GRIK3: variants seen among roughly 807,000 people sequenced by gnomAD.
The protein encoded by GRIK3 is glutamate ionotropic receptor kainate type subunit 3.
A neutral mutation model predicts 102.5 loss-of-function variants in GRIK3; 29 were observed. That is an observed-to-expected ratio of 0.28 (90% confidence interval 0.21 to 0.39). The LOEUF (loss-of-function observed/expected upper bound fraction) is 0.39. Ranked by LOEUF, GRIK3 falls within the 10% of genes least tolerant of loss-of-function variation. The probability of loss-of-function intolerance (pLI) is 1.00; values close to 1 mark genes in which losing one functional copy is unlikely to be tolerated. For missense variants in GRIK3, 908 were observed against 1,252.4 expected (o/e 0.73, Z 4.15); for synonymous variants, 511 against 504.9 (o/e 1.01, Z -0.16).
rs145061407 is a variant in GRIK3 at position 36,914,901 on chromosome 1, G to A, written c.116-23805C>T. Reference sequence around the variant, plus strand: ...TCACCTGGGCAGGGCACAACAGGAGGGAAGGCTGGGGAACCAATTCATCAG... The same window carrying A: ...TCACCTGGGCAGGGCACAACAGGAGAGAAGGCTGGGGAACCAATTCATCAG... On this transcript the variant is annotated intron_variant, in intron 1 of 15. Coordinates refer to ENST00000373091, the MANE Select transcript of GRIK3 (RefSeq NM_000831.4). Among the ~76,000 whole-genome samples, 964 of 152,304 alleles carry A rather than the reference G, an allele frequency of 6.3e-3. 14 individuals carry two copies. The highest frequency in any genetic ancestry group is 0.022 in the African/African-American group (911 of 41,558).
intron 13 of GRIK3, among the ~76,000 whole-genome samples, chr1:36,812,593 T>C (rs1219897747): frequency 1.3e-5 from 2 of 152,084 alleles, no homozygotes; most frequent in African/African-American, 4.8e-5. Context: ...GAGACGCTGT[T>C]TGTGATGTCT....
intron 13 of GRIK3, 81 bp downstream of exon 13, chr1:36,816,979 G>A: frequency 2.1e-6 from 2 of 947,420 alleles, no homozygotes; most frequent in Non-Finnish European, 1.7e-6. Flanking sequence ...GAAGGACAGA[G>A]ACCCCCTTTC....
chr1:36,836,710 T>C (rs1399680978), intron 10 of GRIK3, among the ~76,000 whole-genome samples: 1 of 152,216 alleles, frequency 6.6e-6, no homozygotes, highest in Non-Finnish European at 1.5e-5. Context: ...CCATCCATAC[T>C]GCAGTGAGAT....
chr1:36,850,349 A>G lies in GRIK3; in HGVS notation c.1288T>C (p.Ser430Pro). 1 of 1,613,290 alleles carries G rather than the reference A, an allele frequency of 6.2e-7. No individual in the cohort carries two copies. Among genetic ancestry groups the G allele is most frequent in the Non-Finnish European group, 8.5e-7 (1 of 1,179,216 alleles). The change falls in exon 9 of 16, where the codon TCT becomes CCT. Residue 430 changes from serine to proline, a missense_variant. Physicochemically the swap from Ser to Pro is moderately conservative, Grantham distance 74 (BLOSUM62 -1). This residue lies in a region of GRIK3 where 585 missense variants were observed against 824.9 expected (regional missense o/e 0.71). Coordinates refer to ENST00000373091, the MANE Select transcript of GRIK3 (RefSeq NM_000831.4). This position sits in a 1 kb window ranked among gnomAD's most constrained non-coding sequence, Gnocchi z 4.0. ...ACAATGAGTGATCTGTTTGTCAGAG[A>G]GTCGGTGACATTAGGGCCTCGGCCT... ...AKGRGPNVTD[S>P]LTNRSLIVTT...
Position 36,850,538 on chromosome 1 carries a change from C to T in GRIK3, c.1213-114G>A, listed in dbSNP as rs367675648. Reference sequence around the variant, plus strand: ...TCATCATGAGCCTCATTGTCATGATCATCATCATCATCACCACTGCCATTG... The same window carrying T: ...TCATCATGAGCCTCATTGTCATGATTATCATCATCATCACCACTGCCATTG... On this transcript the variant is annotated intron_variant, in intron 8 of 15. Transcript: ENST00000373091. This position sits in a 1 kb window ranked among gnomAD's most constrained non-coding sequence, Gnocchi z 4.0. The T allele has an allele frequency of 7.7e-6, 5 of 646,520 alleles. No individual in the cohort carries two copies. Among genetic ancestry groups the T allele is most frequent in the Non-Finnish European group, 1.4e-5 (5 of 353,356 alleles). The allele number at this position is 646,520 out of a possible 1,614,324, so 40.0% of individuals were successfully genotyped here.
At chr1:37,011,475 T>C (rs1398989392) in intron 1 of GRIK3, among the ~76,000 whole-genome samples, 5 of 152,188 alleles carry the variant, frequency 3.3e-5, no homozygotes, top group Non-Finnish European at 5.9e-5. Flanking sequence ...AATGCTTTTC[T>C]AGTCATTTTA....
intron 1 of GRIK3, among the ~76,000 whole-genome samples, chr1:36,981,780 T>C (rs1642251551): frequency 6.6e-6 from 1 of 152,126 alleles, no homozygotes; most frequent in Admixed American, 6.5e-5. Context: ...CTGTTAATGT[T>C]TTTGAGCACC....
intron 1 of GRIK3, among the ~76,000 whole-genome samples, chr1:36,898,034 C>A (rs1641192485): frequency 6.6e-6 from 1 of 151,572 alleles, no homozygotes. Context: ...TGAAATAAGC[C>A]AGGCACAGAA....
In GRIK3 at chr1:36,872,253, G is replaced by A. The variant is rs971243250; in HGVS notation, c.667C>T (p.Arg223Ter). The A allele has an allele frequency of 6.2e-7, 1 of 1,612,502 alleles. No individual in the cohort carries two copies. The change falls in exon 4 of 16, where the codon CGA (arginine) becomes TGA (stop). Residue 223 changes from arginine (R) to a stop codon, truncating the protein, a stop_gained. Transcript: ENST00000373091. LOFTEE classifies it high-confidence loss of function. This position sits in a 1 kb window ranked among gnomAD's most constrained non-coding sequence, Gnocchi z 5.9. ...AAGATAATGCGGAATTCCCGGCCTC[G>A]CTTCATCTCCTTGAGCAAGGGGCGC... ...DSRPLLKEMK[R>*]GREFRIIFDC...
In GRIK3 at chr1:36,880,543, C is replaced by A. The variant is rs1462874756; in HGVS notation, c.550+91G>T. 3 of 1,273,290 alleles carry A rather than the reference C, an allele frequency of 2.4e-6. No individual in the cohort carries two copies. Among genetic ancestry groups the A allele is most frequent in the Non-Finnish European group, 3.4e-6 (3 of 885,598 alleles). 78.9% of individuals were successfully genotyped at this position (1,273,290 alleles called of 1,614,324 possible). On this transcript the variant is annotated intron_variant, in intron 3 of 15. Coordinates refer to ENST00000373091, the MANE Select transcript of GRIK3 (RefSeq NM_000831.4). The surrounding 1 kb of genome is among the most constrained non-coding windows in gnomAD (Gnocchi z 5.4). ...TGGAACACAGCCTCTTCCCCCAGGG[C>A]AGCTGTGCTGAACAAACAGACAAGA... is the stretch of plus-strand genomic sequence containing the variant.
At chr1:36,810,209 G>T (rs1408322295) in intron 13 of GRIK3, among the ~76,000 whole-genome samples, 1 of 152,100 alleles carries the variant, frequency 6.6e-6, no homozygotes, top group Non-Finnish European at 1.5e-5. Context: ...CCATCTCTGG[G>T]AGAGTTCCCA....
At chr1:36,912,815 A>C (rs528604864) in intron 1 of GRIK3, among the ~76,000 whole-genome samples, 2 of 152,312 alleles carry the variant, frequency 1.3e-5, no homozygotes, top group African/African-American at 4.8e-5. Context: ...ATAGGATGTC[A>C]ACATGTTTGT....
intron 2 of GRIK3, among the ~76,000 whole-genome samples, chr1:36,890,543 G>A (rs2124272602): frequency 6.6e-6 from 1 of 152,168 alleles, no homozygotes; most frequent in South Asian, 2.1e-4. Context: ...AGGAGAAGCA[G>A]GTGGGTGGGA....
At chr1:36,816,797 T>C (rs12129137) in intron 13 of GRIK3, among the ~76,000 whole-genome samples, 2,620 of 152,292 alleles carry the variant, frequency 0.017, 37 homozygotes, top group Non-Finnish European at 0.027. Flanking sequence ...CTCCCTCTGA[T>C]GACTTAAGGA....
chr1:36,928,805 T>C (rs1321774822), intron 1 of GRIK3, among the ~76,000 whole-genome samples: 1 of 152,130 alleles, frequency 6.6e-6, no homozygotes, highest in African/African-American at 2.4e-5. Flanking sequence ...AATTATGCAG[T>C]AGGAAAATGC....
At chr1:36,818,854 G>T (rs1642664410) in intron 12 of GRIK3, among the ~76,000 whole-genome samples, 1 of 152,198 alleles carries the variant, frequency 6.6e-6, no homozygotes, top group African/African-American at 2.4e-5. Flanking sequence ...AGGTCCCTCA[G>T]TGAAACTCTA....
intron 1 of GRIK3, among the ~76,000 whole-genome samples, chr1:36,894,781 G>T (rs1046202524): frequency 2.0e-5 from 3 of 152,194 alleles, no homozygotes; most frequent in African/African-American, 7.2e-5. Context: ...ACGCTTTTGT[G>T]AGTTTTACTC....
chr1:36,967,650 G>A lies in GRIK3; in HGVS notation c.115+66344C>T, dbSNP rs541507616. 1.2e-4 allele frequency among the ~76,000 whole-genome samples: 19 copies of A among 152,294 alleles called. No homozygotes were observed. In the East Asian group the frequency reaches 2.7e-3, roughly 22 times the overall value. On this transcript the variant is annotated intron_variant, in intron 1 of 15. Transcript: ENST00000373091. ...ATGTGGACAAAGGGTGGGGCCCATCGGCAATGCTCCTAGAAGGTAAATGAC... is the reference window on the plus strand; with the variant it reads ...ATGTGGACAAAGGGTGGGGCCCATCAGCAATGCTCCTAGAAGGTAAATGAC...
At chr1:36,845,090 C>T (rs939356798) in intron 9 of GRIK3, among the ~76,000 whole-genome samples, 4 of 152,184 alleles carry the variant, frequency 2.6e-5, no homozygotes, top group Admixed American at 6.5e-5. Flanking sequence ...TATTTAACAG[C>T]CAAAGCCCAG....
Sources: allele counts gnomAD v4.1 joint callset (sites outside exome capture counted in the v4.1 genomes callset), GRCh38; gene constraint gnomAD v4.1.1; regional missense constraint gnomAD v4.1.1; non-coding constraint Gnocchi (gnomAD v3.1); transcripts MANE v1.5; gene names NCBI Gene and HGNC (gene_info 2026-07-23, HGNC 2026-07-21).